Variants in ANO4 observed in about 807,000 individuals in gnomAD.
ANO4 encodes the protein anoctamin-4.
In ANO4, 69 loss-of-function variants were observed where a neutral mutation model predicts 141.9. The ratio of observed to expected loss-of-function variants is 0.49; its 90% CI spans 0.40 to 0.59. ANO4 has a LOEUF of 0.59. ANO4 is among the 20% of genes least tolerant of loss of function. The pLI is 0.00. For missense variants in ANO4, 894 were observed against 1,162.2 expected, an observed-to-expected ratio of 0.77 and a Z score of 3.36; for synonymous variants, 350 against 394.3, an observed-to-expected ratio of 0.89 and a Z score of 1.33.
intron 1 of ANO4, among the ~76,000 whole-genome samples, chr12:100,836,667 A>G (rs1371513877): frequency 6.6e-6 from 1 of 152,108 alleles, no homozygotes; most frequent in South Asian, 2.1e-4. Context: ...TAATGAGGTC[A>G]TAGGCAATGC....
At chr12:100,947,184 A>G (rs531237976) in intron 5 of ANO4, among the ~76,000 whole-genome samples, 2 of 152,360 alleles carry the variant, frequency 1.3e-5, no homozygotes, top group South Asian at 2.1e-4. Context: ...AGTTCTTTCT[A>G]TTTTAGATGG....
chr12:101,055,977 A>G (rs2048100173), intron 14 of ANO4, among the ~76,000 whole-genome samples: 1 of 152,082 alleles, frequency 6.6e-6, no homozygotes, highest in South Asian at 2.1e-4. Flanking sequence ...TGGGCCATAT[A>G]TGTATGGGTC....
In ANO4 at chr12:101,085,101, C is replaced by G. The variant is rs550487337; in HGVS notation, c.1536+1283C>G. Among the ~76,000 whole-genome samples the G allele has an allele frequency of 2.6e-5, 4 of 152,284 alleles. No individual in the cohort carries two copies. The East Asian group carries it at 7.7e-4, about 29-fold the overall frequency. On this transcript the variant is annotated intron_variant, in intron 16 of 27. Coordinates refer to ENST00000392977, the MANE Select transcript of ANO4 (RefSeq NM_001286615.2). ...TACTTGAGCTTTTAGAACATATCTC[C>G]CTTAAAAGTAAGCAGAAAATAAATT... is the stretch of plus-strand genomic sequence containing the variant.
chr12:100,963,782 T>A (rs950731081), intron 5 of ANO4, among the ~76,000 whole-genome samples: 7 of 152,126 alleles, frequency 4.6e-5, no homozygotes, highest in African/African-American at 1.7e-4. Context: ...TGTACACTTA[T>A]CCATCAGTTT....
chr12:100,773,398 C>T (rs2033377379), intron 3 of ANO4, among the ~76,000 whole-genome samples: 1 of 152,208 alleles, frequency 6.6e-6, no homozygotes, highest in African/African-American at 2.4e-5. Context: ...CAGATTGAAC[C>T]TGGTCATTGC....
At chr12:100,840,465 CACAG>C (rs944629139) in intron 1 of ANO4, among the ~76,000 whole-genome samples, 29 of 152,190 alleles carry the variant, frequency 1.9e-4, no homozygotes, top group African/African-American at 6.7e-4. Context: ...GAAACTGAGA[CACAG>C]AGAGAGTAAA....
intron 1 of ANO4, among the ~76,000 whole-genome samples, chr12:100,858,476 T>G (rs2038299547): frequency 6.6e-6 from 1 of 152,200 alleles, no homozygotes; most frequent in African/African-American, 2.4e-5. Flanking sequence ...AATATCTATA[T>G]GTATATGGGT....
At chr12:100,919,698 G>GTA (rs1196897627) in intron 2 of ANO4, among the ~76,000 whole-genome samples, 19 of 134,100 alleles carry the variant, frequency 1.4e-4, no homozygotes, top group South Asian at 4.6e-4. Flanking sequence ...GTGTGTGTGT[G>GTA]TGTGTGTATG....
intron 1 of ANO4, among the ~76,000 whole-genome samples, chr12:100,827,659 A>AAT (rs1315178420): frequency 2.6e-5 from 4 of 151,916 alleles, no homozygotes; most frequent in Non-Finnish European, 5.9e-5. Context: ...TGATGATATA[A>AAT]ATATATATAT....
intron 1 of ANO4, chr12:100,858,954 T>C (rs1391782370): frequency 6.6e-6 from 1 of 152,214 alleles, no homozygotes; most frequent in African/African-American, 2.4e-5. Flanking sequence ...GAAGTCATTA[T>C]GTATCTGGAT....
intron 5 of ANO4, among the ~76,000 whole-genome samples, chr12:100,945,492 T>C (rs1388858150): frequency 1.3e-5 from 2 of 152,240 alleles, no homozygotes; most frequent in Admixed American, 6.5e-5. Context: ...TCTTAGTATC[T>C]ATCCACTTAA....
chr12:101,095,516 GTCT>G (rs2049947383), intron 18 of ANO4, among the ~76,000 whole-genome samples: 2 of 152,120 alleles, frequency 1.3e-5, no homozygotes, highest in African/African-American at 4.8e-5. Flanking sequence ...AGAATCCTGT[GTCT>G]TTTTGGCCCT....
At chr12:100,744,046 A>G (rs775382673) in intron 3 of ANO4, among the ~76,000 whole-genome samples, 5 of 152,038 alleles carry the variant, frequency 3.3e-5, no homozygotes, top group Middle Eastern at 3.4e-3. Context: ...ATTCCTTTCT[A>G]TCCAATCCCC....
chr12:100,863,671 A>G (rs1185236430), intron 1 of ANO4, among the ~76,000 whole-genome samples: 2 of 152,216 alleles, frequency 1.3e-5, no homozygotes. Flanking sequence ...CGTGCATTAT[A>G]TTATTAAAAC....
chr12:100,745,788 G>A (rs960360832), intron 3 of ANO4, among the ~76,000 whole-genome samples: 3 of 152,190 alleles, frequency 2.0e-5, no homozygotes, highest in Non-Finnish European at 4.4e-5. Context: ...TTGATGAGGA[G>A]ACACAAATTC....
intron 4 of ANO4, among the ~76,000 whole-genome samples, chr12:100,940,884 T>G (rs1344772099): frequency 6.6e-6 from 1 of 152,200 alleles, no homozygotes; most frequent in Admixed American, 6.5e-5. Flanking sequence ...AGAGCCTGGA[T>G]GAAAATTCAA....
At chr12:100,802,834 T>C (rs2034778976) in intron 1 of ANO4, among the ~76,000 whole-genome samples, 2 of 152,184 alleles carry the variant, frequency 1.3e-5, no homozygotes, top group Admixed American at 1.3e-4. Flanking sequence ...CACATTTGGT[T>C]CTCTTTAAAG....
chr12:101,084,218 G>T (rs2049395926), intron 16 of ANO4, among the ~76,000 whole-genome samples: 1 of 152,182 alleles, frequency 6.6e-6, no homozygotes, highest in African/African-American at 2.4e-5. Context: ...CCCCGAATAT[G>T]CCAAGCAAGT....
intron 8 of ANO4, among the ~76,000 whole-genome samples, chr12:101,010,338 T>C (rs1357478633): frequency 6.6e-6 from 1 of 152,146 alleles, no homozygotes; most frequent in African/African-American, 2.4e-5. Context: ...GAAGATGATA[T>C]CATGAAGTAC....
Sources: allele counts gnomAD v4.1 joint callset (sites outside exome capture counted in the v4.1 genomes callset), GRCh38; gene constraint gnomAD v4.1.1; transcripts MANE v1.5; gene names NCBI Gene and HGNC (gene_info 2026-07-23, HGNC 2026-07-21).